The following AGAP1 variants were observed in gnomAD, a reference collection of about 807,000 sequenced individuals.
AGAP1 encodes the protein ArfGAP with GTPase domain, ankyrin repeat and PH domain 1.
AGAP1 carries 29 observed loss-of-function variants against 105.3 expected under a neutral mutation model. The observed-to-expected ratio is 0.28, with a 90% CI of 0.21 to 0.38. AGAP1 has a LOEUF of 0.38. AGAP1 is among the 10% of genes least tolerant of loss of function. The pLI, the probability that AGAP1 is intolerant of heterozygous loss-of-function variation, is 1.00. For missense variants in AGAP1, 998 were observed against 1,165.1 expected (o/e 0.86, Z 2.09); for synonymous variants, 509 against 485.9 (o/e 1.05, Z -0.63).
rs1380666158 is a variant in AGAP1 at position 235,931,313 on chromosome 2, T to TA, written c.1483+391dup. Among the ~76,000 whole-genome samples the TA allele has an allele frequency of 6.6e-6, 1 of 152,192 alleles. No individual in the cohort carries two copies. The highest frequency in any genetic ancestry group is 6.5e-5 in the Admixed American group (1 of 15,288). On this transcript the variant is annotated intron_variant, in intron 12 of 17. Coordinates refer to ENST00000304032, the MANE Select transcript of AGAP1 (RefSeq NM_001037131.3). This position sits in a 1 kb window ranked among gnomAD's most constrained non-coding sequence, Gnocchi z 5.6. ...GGCGTGGCCCACACTCTTCCACCACTAGTGCACATTTTATATCATTAGGGT... is the reference window on the plus strand; with the variant it reads ...GGCGTGGCCCACACTCTTCCACCACTAAGTGCACATTTTATATCATTAGGGT...
Position 236,040,508 on chromosome 2 carries a change from G to T in AGAP1, c.1801-243G>T. 1 of 528,404 alleles carries T rather than the reference G, an allele frequency of 1.9e-6. No homozygotes were observed. The allele number at this position is 528,404 out of a possible 1,614,324, so 32.7% of individuals were successfully genotyped here. On this transcript the variant is annotated intron_variant, in intron 14 of 17. Transcript: ENST00000304032. The surrounding 1 kb of genome is among the most constrained non-coding windows in gnomAD (Gnocchi z 5.6). ...GAACTCTCCTCTTTGCTCATTTCTG[G>T]CAGAGTCCGTCTCAGCTGATGAGTT...
intron 9 of AGAP1, among the ~76,000 whole-genome samples, chr2:235,876,490 G>A (rs751151113): frequency 1.3e-5 from 2 of 152,092 alleles, no homozygotes; most frequent in Non-Finnish European, 2.9e-5. Context: ...TCCGTCTCCC[G>A]GACTTCCTCC....
Position 235,861,110 on chromosome 2 carries a change from C to A in AGAP1, c.1051-22235C>A, listed in dbSNP as rs186827565. 2.1e-4 allele frequency among the ~76,000 whole-genome samples: 32 copies of A among 152,308 alleles called. No individual in the cohort carries two copies. In the East Asian group the frequency reaches 4.2e-3, roughly 20 times the overall value. ...ATATAGTATGTACTGTGTGAGTCTT[C>A]CATTGAAACAAGGCCATTTTTAGCT... is the stretch of plus-strand genomic sequence containing the variant. On this transcript the variant is annotated intron_variant, in intron 9 of 17. Coordinates refer to ENST00000304032, the MANE Select transcript of AGAP1 (RefSeq NM_001037131.3).
intron 1 of AGAP1, among the ~76,000 whole-genome samples, chr2:235,541,193 G>A (rs1055582790): frequency 6.6e-6 from 1 of 151,986 alleles, no homozygotes; most frequent in Non-Finnish European, 1.5e-5. Flanking sequence ...ACACAAACAA[G>A]AATGAACTTG....
At position 235,983,309 on chromosome 2, in the gene AGAP1, C is replaced by T. The variant is rs1201124963; in HGVS notation, c.1645+14686C>T. Reference sequence around the variant, plus strand: ...GGGCAGGGGTCTGGGCAAGGGGCTTCTCCCCTTGCTAGGCCCCCTCCTTTT... The same window carrying T: ...GGGCAGGGGTCTGGGCAAGGGGCTTTTCCCCTTGCTAGGCCCCCTCCTTTT... On this transcript the variant is annotated intron_variant, in intron 13 of 17. Coordinates refer to ENST00000304032, the MANE Select transcript of AGAP1 (RefSeq NM_001037131.3). The surrounding 1 kb of genome is among the most constrained non-coding windows in gnomAD (Gnocchi z 4.5). Among the ~76,000 whole-genome samples, 1 of 152,196 alleles carries T rather than the reference C, an allele frequency of 6.6e-6. No individual in the cohort carries two copies. Among genetic ancestry groups the T allele is most frequent in the Non-Finnish European group, 1.5e-5 (1 of 68,032 alleles).
At chr2:235,495,162 C>T (rs967994621) in intron 1 of AGAP1, among the ~76,000 whole-genome samples, 6 of 152,194 alleles carry the variant, frequency 3.9e-5, no homozygotes, top group Non-Finnish European at 8.8e-5. Flanking sequence ...CCAGCAGACG[C>T]CTGGGGGCAG....
intron 6 of AGAP1, among the ~76,000 whole-genome samples, chr2:235,757,497 T>C (rs1173440987): frequency 6.6e-6 from 1 of 152,132 alleles, no homozygotes; most frequent in East Asian, 1.9e-4. Flanking sequence ...TCTGGTAGAG[T>C]AGTTCCTGGT....
In AGAP1 at chr2:236,046,884, A is replaced by G. The variant is rs1435170304; in HGVS notation, c.1892-2175A>G. On this transcript the variant is annotated intron_variant, in intron 15 of 17. Transcript: ENST00000304032. The surrounding 1 kb of genome is among the most constrained non-coding windows in gnomAD (Gnocchi z 5.2). ...ACAGTGGCTCATGCCTGTAATCCCAACACTTTGGGAGGCCCAGGCAGGAGG... is the reference window on the plus strand; with the variant it reads ...ACAGTGGCTCATGCCTGTAATCCCAGCACTTTGGGAGGCCCAGGCAGGAGG... Among the ~76,000 whole-genome samples, 3 of 152,166 alleles carry G rather than the reference A, an allele frequency of 2.0e-5. No individual in the cohort carries two copies. Among genetic ancestry groups the G allele is most frequent in the African/African-American group, 4.8e-5 (2 of 41,444 alleles).
Position 235,610,507 on chromosome 2 carries a change from C to T in AGAP1, c.164-98672C>T, listed in dbSNP as rs905851584. 2.6e-5 allele frequency among the ~76,000 whole-genome samples: 4 copies of T among 152,164 alleles called. No individual in the cohort carries two copies. Among genetic ancestry groups the T allele is most frequent in the Non-Finnish European group, 5.9e-5 (4 of 68,024 alleles). On this transcript the variant is annotated intron_variant, in intron 1 of 17. Transcript: ENST00000304032. The surrounding 1 kb of genome is among the most constrained non-coding windows in gnomAD (Gnocchi z 4.9). ...ACGTGGTGCAGAGCATGCCAGCTCT[C>T]TGCTGTCTCTTTTTCTAAGGGTGCT...
Position 235,968,438 on chromosome 2 carries a change from TTGCC to T in AGAP1, c.1484-22_1484-19del. 4 of 1,536,298 alleles carry T rather than the reference TTGCC, an allele frequency of 2.6e-6. No homozygotes were observed. In the South Asian group the frequency reaches 5.1e-5, roughly 19 times the overall value. On this transcript the variant is annotated intron_variant, in intron 12 of 17. Coordinates refer to ENST00000304032, the MANE Select transcript of AGAP1 (RefSeq NM_001037131.3). ...TCACTCTGCATTTTTTTTTTTTTTT[TTGCC>T]TTTTCCGGTCCAATGGCAGACACAG...
intron 16 of AGAP1, among the ~76,000 whole-genome samples, chr2:236,102,224 T>A (rs191940225): frequency 4.7e-4 from 72 of 152,220 alleles, no homozygotes; most frequent in African/African-American, 1.7e-3. Flanking sequence ...GAGACCATCC[T>A]GGCTAACACG....
intron 1 of AGAP1, among the ~76,000 whole-genome samples, chr2:235,584,972 A>C (rs1341427367): frequency 8.0e-6 from 1 of 124,376 alleles, no homozygotes. Context: ...TCACCCCCCT[A>C]CCCACTTAGG....
Position 235,778,002 on chromosome 2 carries a change from G to A in AGAP1, c.674-19757G>A, listed in dbSNP as rs148493191. 2.1e-3 allele frequency among the ~76,000 whole-genome samples: 318 copies of A among 152,242 alleles called. 4 individuals are homozygous for A. The East Asian group carries it at 0.035, about 17-fold the overall frequency. ...CTCACCCTCTGCCTCAGACCTGGGC[G>A]ATCTCATATCTGTGTGTTTCACCGA... On this transcript the variant is annotated intron_variant, in intron 6 of 17. Transcript: ENST00000304032.
At position 235,609,563 on chromosome 2, in the gene AGAP1, G is replaced by A. The variant is rs1384307469; in HGVS notation, c.164-99616G>A. The stretch of plus-strand genomic sequence containing the variant: ...CATGTCTTGAGTTTTCAGTAGAGAA[G>A]GCCTGCTCCTCACTTTGACCCCGGA... On this transcript the variant is annotated intron_variant, in intron 1 of 17. Transcript: ENST00000304032. This position sits in a 1 kb window ranked among gnomAD's most constrained non-coding sequence, Gnocchi z 5.1. Among the ~76,000 whole-genome samples the A allele has an allele frequency of 6.6e-6, 1 of 152,146 alleles. No individual in the cohort carries two copies. Among genetic ancestry groups the A allele is most frequent in the Non-Finnish European group, 1.5e-5 (1 of 68,032 alleles).
In AGAP1 at chr2:235,888,788, C is replaced by T. The variant is rs1243721104; in HGVS notation, c.1155+5339C>T. 6.6e-6 allele frequency among the ~76,000 whole-genome samples: 1 copy of T among 152,162 alleles called. No individual in the cohort carries two copies. Among genetic ancestry groups the T allele is most frequent in the Non-Finnish European group, 1.5e-5 (1 of 68,034 alleles). On this transcript the variant is annotated intron_variant, in intron 10 of 17. Coordinates refer to ENST00000304032, the MANE Select transcript of AGAP1 (RefSeq NM_001037131.3). The surrounding 1 kb of genome is among the most constrained non-coding windows in gnomAD (Gnocchi z 4.8). ...CGGCCACCCACTGCCCCAGCCTTCCCTGTGGCCACTTCAGCTCCTGCGTGC... is the reference window on the plus strand; with the variant it reads ...CGGCCACCCACTGCCCCAGCCTTCCTTGTGGCCACTTCAGCTCCTGCGTGC...
At position 236,092,873 on chromosome 2, in the gene AGAP1, C is replaced by T. The variant is rs538776382; in HGVS notation, c.2115-27319C>T. 2.0e-5 allele frequency among the ~76,000 whole-genome samples: 3 copies of T among 152,310 alleles called. No individual in the cohort carries two copies. The highest frequency in any genetic ancestry group is 4.8e-5 in the African/African-American group (2 of 41,572). On this transcript the variant is annotated intron_variant, in intron 16 of 17. Transcript: ENST00000304032. The surrounding 1 kb of genome is among the most constrained non-coding windows in gnomAD (Gnocchi z 4.7). ...AATGGCCCTGGAGCATCCTGCTGTGCCAGAAAGAAAGCACAGAGCTACCAG... is the reference window on the plus strand; with the variant it reads ...AATGGCCCTGGAGCATCCTGCTGTGTCAGAAAGAAAGCACAGAGCTACCAG...
rs2054737467 is a variant in AGAP1 at position 235,973,478 on chromosome 2, T to C, written c.1645+4855T>C. ...TGTGCTGCGTGGTCATTGAGACCAA[T>C]GGAAGGAAATTGAGATGTGACTGGG... On this transcript the variant is annotated intron_variant, in intron 13 of 17. Coordinates refer to ENST00000304032, the MANE Select transcript of AGAP1 (RefSeq NM_001037131.3). The surrounding 1 kb of genome is among the most constrained non-coding windows in gnomAD (Gnocchi z 4.7). Among the ~76,000 whole-genome samples the C allele has an allele frequency of 6.6e-6, 1 of 152,038 alleles. No homozygotes were observed. The highest frequency in any genetic ancestry group is 2.4e-5 in the African/African-American group (1 of 41,398).
intron 11 of AGAP1, among the ~76,000 whole-genome samples, chr2:235,925,287 A>T (rs2052391534): frequency 6.6e-6 from 1 of 152,178 alleles, no homozygotes; most frequent in African/African-American, 2.4e-5. Flanking sequence ...AAATACAGAC[A>T]TGCCTGCAAA....
At chr2:235,526,613 TA>T (rs1373065311) in intron 1 of AGAP1, among the ~76,000 whole-genome samples, 1 of 152,158 alleles carries the variant, frequency 6.6e-6, no homozygotes, top group East Asian at 1.9e-4. Context: ...TTTGGAGAAG[TA>T]AAAAAACCTT....
Sources: allele counts gnomAD v4.1 joint callset (sites outside exome capture counted in the v4.1 genomes callset), GRCh38; gene constraint gnomAD v4.1.1; non-coding constraint Gnocchi (gnomAD v3.1); transcripts MANE v1.5; gene names NCBI Gene and HGNC (gene_info 2026-07-23, HGNC 2026-07-21).